The following KLF8 variants were observed in gnomAD, a reference collection of about 807,000 sequenced individuals.
KLF8 encodes the protein KLF transcription factor 8.
Under a neutral mutation model 18.2 loss-of-function variants are expected in KLF8, and 10 were observed. That is an observed-to-expected ratio of 0.55 (90% CI 0.34 to 0.93). The LOEUF (loss-of-function observed/expected upper bound fraction) is 0.93. Among genes scored for constraint, KLF8 ranks in the 40% least tolerant of loss-of-function variants. The probability of loss-of-function intolerance (pLI) is 0.02; values close to 1 mark genes in which losing one functional copy is unlikely to be tolerated. For synonymous variants in KLF8, 109 were observed against 97.3 expected, an observed-to-expected ratio of 1.12 and a Z score of -0.71; for missense variants, 264 against 277.9, an observed-to-expected ratio of 0.95 and a Z score of 0.36.
the KLF8 span, among the ~76,000 whole-genome samples, chrX:56,026,867 C>G: frequency 2.7e-5 from 3 of 112,574 alleles, no homozygotes; most frequent in African/African-American, 9.7e-5. Flanking sequence ...ATTTGGGCAT[C>G]TCTGTGAAGT....
At chrX:55,982,954 A>G in the KLF8 span, among the ~76,000 whole-genome samples, 45 of 111,968 alleles carry the variant, frequency 4.0e-4, no homozygotes, top group Non-Finnish European at 6.6e-4. Flanking sequence ...GACAGCCTAT[A>G]CTTATCACAC....
chrX:56,242,380 G>A (rs764472711), intron 1 of KLF8, among the ~76,000 whole-genome samples: 2 of 111,857 alleles, frequency 1.8e-5, no homozygotes, highest in Non-Finnish European at 3.8e-5. Context: ...GTATGTGACC[G>A]TATTTATGTA....
chrX:56,218,962 A>C, the KLF8 span, among the ~76,000 whole-genome samples: 1 of 112,411 alleles, frequency 8.9e-6, no homozygotes, highest in East Asian at 2.8e-4. Flanking sequence ...ATGAATTATC[A>C]AAAATAGTGT....
chrX:56,120,115 A>G, the KLF8 span, among the ~76,000 whole-genome samples: 1 of 110,969 alleles, frequency 9.0e-6, no homozygotes, highest in East Asian at 2.8e-4. Context: ...TAGAGCTCCA[A>G]AACTAGTCTT....
At chrX:55,954,642 C>T in the KLF8 span, among the ~76,000 whole-genome samples, 22 of 111,921 alleles carry the variant, frequency 2.0e-4, no homozygotes, top group African/African-American at 6.8e-4. Flanking sequence ...CTCCAAAAGA[C>T]GAAACTGATT....
chrX:56,005,340 T>C, the KLF8 span, among the ~76,000 whole-genome samples: 2 of 111,940 alleles, frequency 1.8e-5, no homozygotes, highest in Non-Finnish European at 3.8e-5. Flanking sequence ...TACTCATTTG[T>C]ATGTGCCAGG....
the KLF8 span, among the ~76,000 whole-genome samples, chrX:56,139,085 A>T: frequency 9.0e-6 from 1 of 111,579 alleles, no homozygotes; most frequent in Admixed American, 9.5e-5. Context: ...CTGGGAAAAC[A>T]GCTAACTAGG....
the KLF8 span, among the ~76,000 whole-genome samples, chrX:56,197,900 T>G: frequency 2.7e-5 from 3 of 111,975 alleles, no homozygotes; most frequent in South Asian, 7.4e-4. Flanking sequence ...ATGATCAAGT[T>G]GGCTTCCTCC....
the KLF8 span, among the ~76,000 whole-genome samples, chrX:56,016,418 C>A: frequency 9.0e-6 from 1 of 111,621 alleles, no homozygotes; most frequent in African/African-American, 3.3e-5. Context: ...TGTAATAACT[C>A]CTGGTGATAG....
At chrX:56,198,626 G>T in the KLF8 span, among the ~76,000 whole-genome samples, 1 of 111,983 alleles carries the variant, frequency 8.9e-6, no homozygotes, top group African/African-American at 3.2e-5. Context: ...CATGCTCATG[G>T]ATAGGAAGAA....
chrX:55,947,603 A>G, the KLF8 span, among the ~76,000 whole-genome samples: 14 of 107,727 alleles, frequency 1.3e-4, no homozygotes, highest in Admixed American at 1.3e-3. Flanking sequence ...TAACCTGCAC[A>G]TTGTGCACAT....
chrX:56,188,535 G>A, the KLF8 span, among the ~76,000 whole-genome samples: 1 of 111,625 alleles, frequency 9.0e-6, no homozygotes, highest in Non-Finnish European at 1.9e-5. Flanking sequence ...AAGTTCATAT[G>A]GAACCAAAAA....
chrX:56,189,565 G>A, the KLF8 span, among the ~76,000 whole-genome samples: 1 of 110,830 alleles, frequency 9.0e-6, no homozygotes, highest in South Asian at 3.8e-4. Context: ...AAAATCACAT[G>A]CACACATATG....
At chrX:55,988,529 T>A in the KLF8 span, among the ~76,000 whole-genome samples, 2 of 111,565 alleles carry the variant, frequency 1.8e-5, no homozygotes, top group Admixed American at 9.5e-5. Flanking sequence ...CGGCATTATT[T>A]CTGAGGGCTC....
At chrX:56,060,577 T>C in the KLF8 span, among the ~76,000 whole-genome samples, 1 of 111,973 alleles carries the variant, frequency 8.9e-6, no homozygotes, top group African/African-American at 3.2e-5. Context: ...ATCCTGCTGG[T>C]TTCAGGTTGC....
chrX:56,044,639 T>C, the KLF8 span, among the ~76,000 whole-genome samples: 2 of 112,639 alleles, frequency 1.8e-5, no homozygotes, highest in African/African-American at 3.2e-5. Flanking sequence ...GTCCATACCA[T>C]CTTTATTACC....
chrX:55,941,650 T>C, the KLF8 span, among the ~76,000 whole-genome samples: 2 of 111,300 alleles, frequency 1.8e-5, no homozygotes, highest in Non-Finnish European at 3.8e-5. Context: ...CCAGAATCTA[T>C]AATGAACTCA....
upstream of KLF8, among the ~76,000 whole-genome samples, chrX:56,229,831 T>C (rs2147543862): frequency 1.8e-5 from 2 of 111,975 alleles, 1 homozygote; most frequent in South Asian, 7.5e-4. Flanking sequence ...ACACCTAGCA[T>C]TGTTCTTGAT....
chrX:56,188,595 C>A, the KLF8 span, among the ~76,000 whole-genome samples: 1 of 111,905 alleles, frequency 8.9e-6, no homozygotes, highest in African/African-American at 3.3e-5. Context: ...AAGCTGGAGG[C>A]ATCATGCTAC....
Sources: allele counts gnomAD v4.1 joint callset (sites outside exome capture counted in the v4.1 genomes callset), GRCh38; gene constraint gnomAD v4.1.1; transcripts MANE v1.5; gene names NCBI Gene and HGNC (gene_info 2026-07-23, HGNC 2026-07-21).